The following FRY variants were observed in gnomAD, a reference collection of about 807,000 sequenced individuals.
FRY encodes the protein protein furry homolog.
A neutral mutation model predicts 348.4 loss-of-function variants in FRY; 128 were observed. The ratio of observed to expected loss-of-function variants is 0.37; its 90% CI spans 0.32 to 0.43. FRY has a LOEUF of 0.43. FRY is among the 20% of genes least tolerant of loss of function. The probability of loss-of-function intolerance (pLI) is 1.00; values close to 1 mark genes in which losing one functional copy is unlikely to be tolerated. For missense variants in FRY, 2,736 were observed against 3,695.2 expected (o/e 0.74, Z 6.73); for synonymous variants, 1,370 against 1,374.7 (o/e 1.00, Z 0.08).
Position 32,175,531 on chromosome 13 carries a change from C to G in FRY, c.2335-15C>G, listed in dbSNP as rs781500218. On this transcript the variant is annotated splice_polypyrimidine_tract_variant and intron_variant, in intron 19 of 60. Coordinates refer to ENST00000542859, the MANE Select transcript of FRY (RefSeq NM_023037.3). ...TCATTTTCCCATAGAGAGTAATCGC[C>G]TCCCCTTTGTACAGGATGACGACAG... 1 of 1,539,764 alleles carries G rather than the reference C, an allele frequency of 6.5e-7. No homozygotes were observed. The highest frequency in any genetic ancestry group is 9.0e-7 in the Non-Finnish European group (1 of 1,112,416).
chr13:32,136,480 A>C (rs1879727035), intron 10 of FRY, among the ~76,000 whole-genome samples: 1 of 152,214 alleles, frequency 6.6e-6, no homozygotes, highest in South Asian at 2.1e-4. Context: ...TGAGCAAAAA[A>C]GCCAATAACA....
chr13:32,277,497 T>C (rs951268283), intron 57 of FRY, among the ~76,000 whole-genome samples: 1 of 152,204 alleles, frequency 6.6e-6, no homozygotes, highest in Non-Finnish European at 1.5e-5. Context: ...ATTGTTACCC[T>C]CATTAGCTAG....
At chr13:32,121,493 A>G (rs1293867116) in intron 4 of FRY, among the ~76,000 whole-genome samples, 1 of 152,060 alleles carries the variant, frequency 6.6e-6, no homozygotes, top group Non-Finnish European at 1.5e-5. Context: ...GTAAGTTGGT[A>G]TCACATGTGG....
chr13:32,168,602 T>C (rs1292319113), intron 17 of FRY, among the ~76,000 whole-genome samples: 4 of 152,240 alleles, frequency 2.6e-5, no homozygotes, highest in African/African-American at 9.6e-5. Context: ...GAAGCCCAGG[T>C]TAAAGCCTTC....
At chr13:32,166,321 G>C (rs17077169) in intron 17 of FRY, among the ~76,000 whole-genome samples, 1,925 of 152,286 alleles carry the variant, frequency 0.013, 40 homozygotes, top group African/African-American at 0.042. Flanking sequence ...TGTTTAATTT[G>C]CAGCTGAGAC....
At chr13:32,144,868 G>A (rs776117787) in intron 11 of FRY, among the ~76,000 whole-genome samples, 1 of 152,180 alleles carries the variant, frequency 6.6e-6, no homozygotes, top group Non-Finnish European at 1.5e-5. Flanking sequence ...GTAAGGAGTG[G>A]AAGGGCTATG....
intron 1 of FRY, among the ~76,000 whole-genome samples, chr13:32,052,629 A>G (rs1159388036): frequency 6.6e-6 from 1 of 152,188 alleles, no homozygotes; most frequent in Admixed American, 6.5e-5. Context: ...GTTTTACACC[A>G]TCAACATATT....
chr13:32,126,247 C>A (rs549237279), intron 7 of FRY, among the ~76,000 whole-genome samples: 1 of 142,812 alleles, frequency 7.0e-6, no homozygotes, highest in South Asian at 2.4e-4. Context: ...AAACTTTCAG[C>A]TGTCATTTGG....
At chr13:32,157,480 C>T (rs1266573776) in intron 16 of FRY, 75 bp downstream of exon 16, 2 of 1,413,298 alleles carry the variant, frequency 1.4e-6, no homozygotes, top group East Asian at 4.7e-5. Flanking sequence ...CTCATTTATT[C>T]TGTATTTTGT....
chr13:32,043,459 C>T (rs1421654454), intron 1 of FRY, among the ~76,000 whole-genome samples: 2 of 152,210 alleles, frequency 1.3e-5, no homozygotes, highest in Non-Finnish European at 2.9e-5. Context: ...GTATATGTAT[C>T]ATTTCCTCTG....
Position 32,091,854 on chromosome 13 carries a change from AAAGGGCCAT to A in FRY, c.271-10105_271-10097del, listed in dbSNP as rs1383529818. Among the ~76,000 whole-genome samples the A allele has an allele frequency of 2.0e-5, 3 of 152,374 alleles. No individual in the cohort carries two copies. In the South Asian group the frequency reaches 6.2e-4, roughly 32 times the overall value. Reference sequence around the variant, plus strand: ...ATAGCTGAAGCTTAGAGAAGTTAAGAAAGGGCCATAAGTTGAGAGGACCTAGGATTCAAA... The same window carrying A: ...ATAGCTGAAGCTTAGAGAAGTTAAGAAAGTTGAGAGGACCTAGGATTCAAA... On this transcript the variant is annotated intron_variant, in intron 2 of 60. Coordinates refer to ENST00000542859, the MANE Select transcript of FRY (RefSeq NM_023037.3).
At chr13:32,085,490 C>T (rs772773216) in intron 2 of FRY, among the ~76,000 whole-genome samples, 1 of 152,174 alleles carries the variant, frequency 6.6e-6, no homozygotes, top group African/African-American at 2.4e-5. Flanking sequence ...CTCCTGCTTC[C>T]ACCTCTTTAG....
At chr13:32,186,122 A>T (rs1593711947) in intron 26 of FRY, 138 bp from the exon 27 acceptor site, 5 of 721,256 alleles carry the variant, frequency 6.9e-6, no homozygotes, top group Admixed American at 4.4e-5. Flanking sequence ...TTGACTTTTT[A>T]AGTGCATGTT....
At chr13:32,098,561 A>G (rs1429242727) in intron 2 of FRY, among the ~76,000 whole-genome samples, 1 of 152,076 alleles carries the variant, frequency 6.6e-6, no homozygotes, top group Non-Finnish European at 1.5e-5. Context: ...AGGGAGAGAC[A>G]CCAGGTGTTA....
intron 24 of FRY, among the ~76,000 whole-genome samples, chr13:32,183,647 G>A (rs7318406): frequency 0.05 from 7,666 of 151,924 alleles, 215 homozygotes; most frequent in East Asian, 0.075. Flanking sequence ...GTGGTGGCAC[G>A]CGCCTGTAGT....
intron 51 of FRY, among the ~76,000 whole-genome samples, chr13:32,261,180 T>C (rs1038126273): frequency 1.3e-5 from 2 of 152,202 alleles, no homozygotes; most frequent in Non-Finnish European, 2.9e-5. Context: ...TGGAATGTGC[T>C]ACAAGCAGCA....
chr13:32,056,807 AAGACTAACATGT>A (rs1308944147), intron 1 of FRY, among the ~76,000 whole-genome samples: 11 of 152,218 alleles, frequency 7.2e-5, no homozygotes, highest in African/African-American at 2.2e-4. Flanking sequence ...AATTGCTAGG[AAGACTAACATGT>A]ATGTATCTCA....
intron 58 of FRY, among the ~76,000 whole-genome samples, chr13:32,282,131 A>G (rs1047192682): frequency 2.0e-5 from 3 of 152,182 alleles, no homozygotes; most frequent in African/African-American, 7.2e-5. Context: ...GTGGAGATAT[A>G]ATTTTGCTGA....
chr13:32,035,011 T>C (rs1386722334), intron 1 of FRY, among the ~76,000 whole-genome samples: 2 of 152,236 alleles, frequency 1.3e-5, no homozygotes, highest in African/African-American at 4.8e-5. Flanking sequence ...CTGTAAAATG[T>C]ACGCAAAAAT....
Sources: allele counts gnomAD v4.1 joint callset (sites outside exome capture counted in the v4.1 genomes callset), GRCh38; gene constraint gnomAD v4.1.1; transcripts MANE v1.5; gene names NCBI Gene and HGNC (gene_info 2026-07-23, HGNC 2026-07-21).